Variants in DTNB observed in about 807,000 individuals in gnomAD.
The protein encoded by DTNB is dystrobrevin beta, also known as DTN-B.
In DTNB, 63 loss-of-function variants were observed where a neutral mutation model predicts 90.7. That is an observed-to-expected ratio of 0.69 (90% CI 0.57 to 0.86). The LOEUF (loss-of-function observed/expected upper bound fraction) is 0.86, where lower values mean the gene tolerates loss of function less well. Among genes scored for constraint, DTNB ranks in the 40% least tolerant of loss-of-function variants. DTNB has a pLI of 0.00. For synonymous variants in DTNB, 277 were observed against 286.7 expected (o/e 0.97, Z 0.34); for missense variants, 744 against 807.1 (o/e 0.92, Z 0.95).
chr2:25,451,047 C>T (rs1359539845), intron 12 of DTNB, among the ~76,000 whole-genome samples: 1 of 152,198 alleles, frequency 6.6e-6, no homozygotes, highest in African/African-American at 2.4e-5. Flanking sequence ...CTCAAGTGAT[C>T]TGCCCGCCTC....
At chr2:25,666,600 T>C (rs2084502717) in intron 1 of DTNB, among the ~76,000 whole-genome samples, 1 of 152,250 alleles carries the variant, frequency 6.6e-6, no homozygotes, top group African/African-American at 2.4e-5. Flanking sequence ...AAGTACATTC[T>C]TTGATGCATC....
chr2:25,407,569 A>G (rs2045521122), intron 16 of DTNB, among the ~76,000 whole-genome samples: 1 of 152,222 alleles, frequency 6.6e-6, no homozygotes, highest in African/African-American at 2.4e-5. Context: ...GGTAGTATAT[A>G]TACACCATGG....
intron 8 of DTNB, among the ~76,000 whole-genome samples, chr2:25,551,295 A>G (rs912812175): frequency 6.6e-6 from 1 of 152,210 alleles, no homozygotes; most frequent in African/African-American, 2.4e-5. Flanking sequence ...ATATTTACCT[A>G]TATTTAAAGT....
At position 25,388,271 on chromosome 2, in the gene DTNB, T is replaced by C. The variant is rs562264712; in HGVS notation, c.1666A>G (p.Thr556Ala). The C allele has an allele frequency of 6.2e-7, 1 of 1,607,360 alleles. No homozygotes were observed. Among genetic ancestry groups the C allele is most frequent in the Non-Finnish European group, 8.5e-7 (1 of 1,177,746 alleles). Residue 556 changes from threonine to alanine, a missense_variant, in exon 17 of 21, where the codon ACC (threonine) becomes GCC (alanine). Physicochemically the swap from Thr to Ala is moderately conservative, Grantham distance 58. Coordinates refer to ENST00000406818, the MANE Select transcript of DTNB (RefSeq NM_021907.5). ...GAGTCCTGCGGACAGTGGGTGGGGGTGGAGCCGGCAGACGTGGAGCGCACT... is the reference window on the plus strand; with the variant it reads ...GAGTCCTGCGGACAGTGGGTGGGGGCGGAGCCGGCAGACGTGGAGCGCACT... The part of the protein sequence containing the change: ...MPVRSTSAGS[T>A]PTHCPQDSLS...
At chr2:25,580,970 G>GC in intron 6 of DTNB, 144 bp from the exon 7 acceptor site, 1 of 622,714 alleles carries the variant, frequency 1.6e-6, no homozygotes. Flanking sequence ...CATTACTACA[G>GC]ACACTACTAC....
chr2:25,394,270 A>G (rs1326603739), intron 16 of DTNB, among the ~76,000 whole-genome samples: 3 of 152,342 alleles, frequency 2.0e-5, no homozygotes, highest in East Asian at 3.9e-4. Flanking sequence ...CTTAAATCTA[A>G]GACCTGAAAC....
intron 8 of DTNB, among the ~76,000 whole-genome samples, chr2:25,552,446 T>C (rs2056462166): frequency 6.6e-6 from 1 of 152,188 alleles, no homozygotes; most frequent in Non-Finnish European, 1.5e-5. Flanking sequence ...CTGAGACACC[T>C]CCATCACCAT....
chr2:25,459,417 C>CT (rs1351677384), intron 10 of DTNB, among the ~76,000 whole-genome samples: 1 of 152,048 alleles, frequency 6.6e-6, no homozygotes, highest in African/African-American at 2.4e-5. Flanking sequence ...CCTTTCAACT[C>CT]TCTTGTAGGC....
At chr2:25,559,099 G>A (rs778014312) in intron 8 of DTNB, among the ~76,000 whole-genome samples, 1 of 152,080 alleles carries the variant, frequency 6.6e-6, no homozygotes, top group Non-Finnish European at 1.5e-5. Context: ...ATTCCAGCAC[G>A]ACCTTTATAT....
At chr2:25,433,846 G>A (rs1414040740) in intron 13 of DTNB, 64 bp downstream of exon 13, 3 of 1,575,614 alleles carry the variant, frequency 1.9e-6, no homozygotes, top group Non-Finnish European at 2.6e-6. Flanking sequence ...CAAGGAAAAT[G>A]AGAATCAGAT....
chr2:25,477,366 T>A (rs759051684), intron 10 of DTNB, among the ~76,000 whole-genome samples: 3 of 152,218 alleles, frequency 2.0e-5, no homozygotes, highest in Non-Finnish European at 4.4e-5. Flanking sequence ...CATCTCTTAA[T>A]TTGGCCATGT....
intron 8 of DTNB, among the ~76,000 whole-genome samples, chr2:25,539,217 T>C (rs1223770034): frequency 6.6e-6 from 1 of 152,224 alleles, no homozygotes; most frequent in Non-Finnish European, 1.5e-5. Flanking sequence ...AACTTTCCTG[T>C]CCGTGTCTCT....
intron 4 of DTNB, among the ~76,000 whole-genome samples, chr2:25,611,244 C>T (rs1342814042): frequency 6.6e-6 from 1 of 152,142 alleles, no homozygotes; most frequent in Non-Finnish European, 1.5e-5. Flanking sequence ...TTTTCAAACT[C>T]TATATTTTAA....
chr2:25,504,833 A>G (rs1339502051), intron 9 of DTNB, among the ~76,000 whole-genome samples: 1 of 152,222 alleles, frequency 6.6e-6, no homozygotes, highest in Non-Finnish European at 1.5e-5. Flanking sequence ...AAATCACAAA[A>G]TACCTTTTTG....
intron 4 of DTNB, among the ~76,000 whole-genome samples, chr2:25,607,616 T>C (rs1262551402): frequency 6.6e-6 from 1 of 152,222 alleles, no homozygotes; most frequent in Non-Finnish European, 1.5e-5. Flanking sequence ...GTGAATTTCC[T>C]ATTAATTAAA....
chr2:25,537,150 T>C (rs1422905385), intron 8 of DTNB, among the ~76,000 whole-genome samples: 1 of 152,220 alleles, frequency 6.6e-6, no homozygotes, highest in East Asian at 1.9e-4. Flanking sequence ...TTTACCTAGA[T>C]GAATTTTCCA....
At chr2:25,492,330 G>A (rs1397918003) in intron 9 of DTNB, among the ~76,000 whole-genome samples, 2 of 152,048 alleles carry the variant, frequency 1.3e-5, no homozygotes, top group African/African-American at 4.8e-5. Context: ...TCTCAGCCTA[G>A]CAAAATACAT....
Position 25,434,138 on chromosome 2 carries a change from G to A in DTNB, c.1258-143C>T, listed in dbSNP as rs140859171. 1,911 of 710,490 alleles carry A rather than the reference G, an allele frequency of 2.7e-3. 22 individuals are homozygous for A. Among genetic ancestry groups the A allele is most frequent in the South Asian group, 0.012 (581 of 50,280 alleles). The allele number at this position is 710,490 out of a possible 1,614,324, so 44.0% of individuals were successfully genotyped here. A position where few individuals can be genotyped will look rare whatever the true frequency, so the allele number is the denominator to read the frequency against. Reference sequence around the variant, plus strand: ...ACCCGTTTTAAGTATACAATTCAATGAGTCTTAGTAAATTTAAACAGTTGT... The same window carrying A: ...ACCCGTTTTAAGTATACAATTCAATAAGTCTTAGTAAATTTAAACAGTTGT... On this transcript the variant is annotated intron_variant, in intron 12 of 20. Coordinates refer to ENST00000406818, the MANE Select transcript of DTNB (RefSeq NM_021907.5).
intron 4 of DTNB, among the ~76,000 whole-genome samples, chr2:25,619,587 T>C (rs1483325294): frequency 6.6e-6 from 1 of 152,230 alleles, no homozygotes; most frequent in African/African-American, 2.4e-5. Context: ...TAAAGCAGAA[T>C]CTCTGCTCTC....
Sources: gnomAD v4.1 joint callset for allele counts (sites outside exome capture counted in the v4.1 genomes callset) on GRCh38, gnomAD v4.1.1 for gene constraint, MANE v1.5 for transcripts, NCBI Gene and HGNC (gene_info 2026-07-23, HGNC 2026-07-21) for gene names.